The following IL2RA variants were observed in gnomAD, a reference collection of about 807,000 sequenced individuals.
The protein encoded by IL2RA is interleukin-2 receptor subunit alpha.
In IL2RA, 24 loss-of-function variants were observed where a neutral mutation model predicts 37.8. The observed-to-expected ratio is 0.63, with a 90% CI of 0.46 to 0.89. IL2RA has a LOEUF of 0.89. Among genes scored for constraint, IL2RA ranks in the 40% least tolerant of loss-of-function variants. The pLI is 0.00. For synonymous variants in IL2RA, 125 were observed against 114.6 expected (o/e 1.09, Z -0.58); for missense variants, 319 against 348.6 (o/e 0.92, Z 0.68).
chr10:6,053,094 T>C (rs1428627452), intron 1 of IL2RA, among the ~76,000 whole-genome samples: 2 of 152,218 alleles, frequency 1.3e-5, no homozygotes, highest in East Asian at 3.8e-4. Flanking sequence ...ACTCACAGCC[T>C]ATTACTTCAC....
intron 1 of IL2RA, chr10:6,039,435 T>G (rs1839737438): frequency 6.6e-6 from 1 of 152,230 alleles, no homozygotes; most frequent in African/African-American, 2.4e-5. Context: ...AGTGTCTTCC[T>G]TTATGATGGA....
intron 1 of IL2RA, among the ~76,000 whole-genome samples, chr10:6,052,282 G>T (rs1435703295): frequency 6.6e-6 from 1 of 152,124 alleles, no homozygotes; most frequent in East Asian, 1.9e-4. Flanking sequence ...TGTGAGATGT[G>T]CTGGGTTTTG....
Position 6,020,771 on chromosome 10 carries a change from G to A in IL2RA, c.583+707C>T, listed in dbSNP as rs1319560616. Among the ~76,000 whole-genome samples, 4 of 152,142 alleles carry A rather than the reference G, an allele frequency of 2.6e-5. No individual in the cohort carries two copies. Among genetic ancestry groups the A allele is most frequent in the African/African-American group, 9.7e-5 (4 of 41,436 alleles). On this transcript the variant is annotated intron_variant, in intron 4 of 7. Coordinates refer to ENST00000379959, the MANE Select transcript of IL2RA (RefSeq NM_000417.3). The surrounding 1 kb of genome is among the most constrained non-coding windows in gnomAD (Gnocchi z 5.6). ...TGGTCTCGAACTCCTGACCTAAAGTGATCTGCCCGCCTTGGCCTCCCAGAG... is the reference window on the plus strand; with the variant it reads ...TGGTCTCGAACTCCTGACCTAAAGTAATCTGCCCGCCTTGGCCTCCCAGAG...
rs1386034562 is a variant in IL2RA, at chr10:6,044,533, T to C, written c.64+17555A>G. ...GAACGCCTGGGTGTTGCCATGGCAA[T>C]GGTAAACTGACATGGCACACTCATG... On this transcript the variant is annotated intron_variant, in intron 1 of 7. Transcript: ENST00000379959. This position sits in a 1 kb window ranked among gnomAD's most constrained non-coding sequence, Gnocchi z 4.5. Among the ~76,000 whole-genome samples the C allele has an allele frequency of 1.3e-5, 2 of 152,180 alleles. No individual in the cohort carries two copies. The highest frequency in any genetic ancestry group is 2.1e-4 in the South Asian group (1 of 4,832).
rs1456245418 is a variant in IL2RA at position 6,047,565 on chromosome 10, AC to A, written c.64+14522del. Among the ~76,000 whole-genome samples the A allele has an allele frequency of 6.6e-6, 1 of 152,134 alleles. No homozygotes were observed. Among genetic ancestry groups the A allele is most frequent in the Non-Finnish European group, 1.5e-5 (1 of 68,022 alleles). The stretch of plus-strand genomic sequence containing the variant: ...CGCACAAATGTTCTCGGCTTCCCAG[AC>A]ACCAATGAAGGAGCTTATTATGAAT... On this transcript the variant is annotated intron_variant, in intron 1 of 7. Transcript: ENST00000379959. The surrounding 1 kb of genome is among the most constrained non-coding windows in gnomAD (Gnocchi z 5.0).
Position 6,012,056 on chromosome 10 carries a change from T to C in IL2RA, c.*816A>G, listed in dbSNP as rs1198332255. 3.3e-5 allele frequency: 5 copies of C among 152,396 alleles called. No individual in the cohort carries two copies. Among genetic ancestry groups the C allele is most frequent in the African/African-American group, 9.6e-5 (4 of 41,454 alleles). 9.4% of individuals were successfully genotyped at this position (152,396 alleles called of 1,614,324 possible). Reference sequence around the variant, plus strand: ...AGTGCAGGCCAAATTCAGGGTATCATTCATAGCAATCCCAAAGAAACTAAC... The same window carrying C: ...AGTGCAGGCCAAATTCAGGGTATCACTCATAGCAATCCCAAAGAAACTAAC... On this transcript the variant is annotated 3_prime_UTR_variant, in exon 8 of 8. Coordinates refer to ENST00000379959, the MANE Select transcript of IL2RA (RefSeq NM_000417.3). This position sits in a 1 kb window ranked among gnomAD's most constrained non-coding sequence, Gnocchi z 4.8.
At chr10:6,032,968 T>G (rs1243894429) in intron 1 of IL2RA, among the ~76,000 whole-genome samples, 1 of 151,954 alleles carries the variant, frequency 6.6e-6, no homozygotes, top group African/African-American at 2.4e-5. Context: ...ATTGGGGAAA[T>G]GGAGGAAATG....
In IL2RA at chr10:6,036,854, C is replaced by G. The variant is rs1316312057; in HGVS notation, c.65-10829G>C. ...TCCCGGTTGGCTGCTCTAGAGCCGG[C>G]AGGACGGATGCTGAGGTTGTTCGCA... On this transcript the variant is annotated intron_variant, in intron 1 of 7. Coordinates refer to ENST00000379959, the MANE Select transcript of IL2RA (RefSeq NM_000417.3). The surrounding 1 kb of genome is among the most constrained non-coding windows in gnomAD (Gnocchi z 6.1). 6.6e-6 allele frequency among the ~76,000 whole-genome samples: 1 copy of G among 152,168 alleles called. No homozygotes were observed. The highest frequency in any genetic ancestry group is 1.9e-4 in the East Asian group (1 of 5,192).
intron 3 of IL2RA, among the ~76,000 whole-genome samples, chr10:6,023,755 C>A (rs1238124750): frequency 6.6e-6 from 1 of 152,340 alleles, no homozygotes; most frequent in East Asian, 1.9e-4. Flanking sequence ...GCATCTGGAG[C>A]TTTTGAGACT....
Position 6,018,073 on chromosome 10 carries a change from C to G in IL2RA, c.774G>C (p.Gly258=). ...CTTACTGTCTCCGCTGCCAGGTGAG[C>G]CCACTCAGGAGGAGGACGCTGATCA... ...FLLISVLLLS[G]LTWQRRQRKS... Residue 258 remains glycine, a synonymous_variant, in exon 7 of 8, where the codon GGG becomes GGC. Transcript: ENST00000379959. This position sits in a 1 kb window ranked among gnomAD's most constrained non-coding sequence, Gnocchi z 5.1. 6.2e-7 allele frequency: 1 copy of G among 1,613,816 alleles called. No homozygotes were observed. The highest frequency in any genetic ancestry group is 8.5e-7 in the Non-Finnish European group (1 of 1,179,826).
At chr10:6,016,270 G>A (rs967037593) in intron 7 of IL2RA, among the ~76,000 whole-genome samples, 8 of 152,168 alleles carry the variant, frequency 5.3e-5, no homozygotes, top group Non-Finnish European at 8.8e-5. Context: ...ACAGGATGAC[G>A]TAGCACAAAC....
Position 6,047,114 on chromosome 10 carries a change from C to T in IL2RA, c.64+14974G>A, listed in dbSNP as rs1473641541. Among the ~76,000 whole-genome samples, 1 of 152,208 alleles carries T rather than the reference C, an allele frequency of 6.6e-6. No homozygotes were observed. The highest frequency in any genetic ancestry group is 2.4e-5 in the African/African-American group (1 of 41,466). ...ATGGAGAACATGCATTGTCCAAGGA[C>T]CCTCAAATCCCTGCATGCCCTGCGC... On this transcript the variant is annotated intron_variant, in intron 1 of 7. Transcript: ENST00000379959. The surrounding 1 kb of genome is among the most constrained non-coding windows in gnomAD (Gnocchi z 5.0).
intron 1 of IL2RA, among the ~76,000 whole-genome samples, chr10:6,059,897 T>A (rs17149458): frequency 0.017 from 2,653 of 152,300 alleles, 103 homozygotes; most frequent in Admixed American, 0.077. Flanking sequence ...CTCACCAGGT[T>A]ATAAGTTGCT....
intron 5 of IL2RA, 101 bp from the exon 6 acceptor site, chr10:6,019,600 G>A: frequency 1.1e-6 from 1 of 929,962 alleles, no homozygotes; most frequent in Non-Finnish European, 1.8e-6. Flanking sequence ...GAAGCTCAGA[G>A]GCTGGTGGGA....
Position 6,011,261 on chromosome 10 carries a change from TC to T in IL2RA, c.*1610del, listed in dbSNP as rs1475714754. ...TTGCACCAGATATGGAACCAGGACT[TC>T]CACCGAAATCTTAGCTCTGGAAGTT... On this transcript the variant is annotated 3_prime_UTR_variant, in exon 8 of 8. Coordinates refer to ENST00000379959, the MANE Select transcript of IL2RA (RefSeq NM_000417.3). The surrounding 1 kb of genome is among the most constrained non-coding windows in gnomAD (Gnocchi z 5.2). The T allele has an allele frequency of 2.0e-5, 3 of 152,318 alleles. No individual in the cohort carries two copies. Among genetic ancestry groups the T allele is most frequent in the Non-Finnish European group, 4.4e-5 (3 of 68,036 alleles). The allele number at this position is 152,318 out of a possible 1,614,324, so 9.4% of individuals were successfully genotyped here. A position where few individuals can be genotyped will look rare whatever the true frequency, so the allele number is the denominator to read the frequency against.
chr10:6,041,110 T>C (rs1382728830), intron 1 of IL2RA, among the ~76,000 whole-genome samples: 1 of 148,502 alleles, frequency 6.7e-6, no homozygotes, highest in Non-Finnish European at 1.5e-5. Flanking sequence ...AAAGGGTGAG[T>C]TAATTCTTTT....
intron 1 of IL2RA, among the ~76,000 whole-genome samples, chr10:6,032,467 C>T (rs1263590844): frequency 3.3e-5 from 5 of 151,770 alleles, no homozygotes; most frequent in Admixed American, 6.5e-5. Context: ...CCGGGGCGGG[C>T]AGATCACAAG....
At chr10:6,042,298 G>A (rs1331810107) in intron 1 of IL2RA, among the ~76,000 whole-genome samples, 1 of 151,626 alleles carries the variant, frequency 6.6e-6, no homozygotes, top group Non-Finnish European at 1.5e-5. Context: ...ATGAAGAAGA[G>A]CATCTAATGA....
chr10:6,019,551 G>T, intron 5 of IL2RA, 52 bp from the exon 6 acceptor site: 1 of 1,355,694 alleles, frequency 7.4e-7, no homozygotes, highest in Non-Finnish European at 1.1e-6. Flanking sequence ...CTTTAGGACA[G>T]CACGAGGCTA....
Sources: allele counts gnomAD v4.1 joint callset (sites outside exome capture counted in the v4.1 genomes callset), GRCh38; gene constraint gnomAD v4.1.1; non-coding constraint Gnocchi (gnomAD v3.1); transcripts MANE v1.5; gene names NCBI Gene and HGNC (gene_info 2026-07-23, HGNC 2026-07-21).